The following NKX2-2 variants were observed in gnomAD, a reference collection of about 807,000 sequenced individuals.
NKX2-2 encodes NK2 homeobox 2.
NKX2-2 carries 8 observed loss-of-function variants against 24.6 expected under a neutral mutation model. The ratio of observed to expected loss-of-function variants is 0.32; its 90% CI spans 0.19 to 0.59. The LOEUF is 0.59. NKX2-2 is among the 20% of genes least tolerant of loss of function. NKX2-2 has a pLI of 0.86. For synonymous variants in NKX2-2, 217 were observed against 173.3 expected (o/e 1.25, Z -1.98); for missense variants, 381 against 373.9 (o/e 1.02, Z -0.16).
rs763629654 is a variant in NKX2-2, at chr20:21,512,096, C to G, written c.649G>C (p.Ala217Pro). ...GCTGCCAGGTCCTGGGCTTTGAGCG[C>G]GTGACATGGTTTGCCGTCCCTGACC... is the stretch of plus-strand genomic sequence containing the variant. ...VLVRDGKPCH[A>P]LKAQDLAAAT... is the part of the protein sequence containing the mutation. The change falls in exon 2 of 2, where the codon GCG (alanine) becomes CCG (proline). Residue 217 changes from alanine to proline, a missense_variant. Physicochemically the swap from Ala to Pro is conservative, Grantham distance 27 (BLOSUM62 -1). Around this residue, in one of 3 missense-constraint regions of NKX2-2, gnomAD observed 139 missense variants for 121.7 expected, o/e 1.14. Transcript: ENST00000377142. 1 of 1,613,844 alleles carries G rather than the reference C, an allele frequency of 6.2e-7. No individual in the cohort carries two copies. Among genetic ancestry groups the G allele is most frequent in the Middle Eastern group, 1.7e-4 (1 of 6,050 alleles).
rs1461173045 is a variant in NKX2-2 at position 21,511,517 on chromosome 20, C to T, written c.*406G>A. 1.2e-5 allele frequency: 2 copies of T among 165,846 alleles called. No individual in the cohort carries two copies. The highest frequency in any genetic ancestry group is 1.6e-4 in the East Asian group (1 of 6,158). The allele number at this position is 165,846 out of a possible 1,614,324, so 10.3% of individuals were successfully genotyped here. A position where few individuals can be genotyped will look rare whatever the true frequency, so the allele number is the denominator to read the frequency against. ...TGCTTTAGAAGACGGCTGACAATAT[C>T]GCTACTCACACAAACATATTTTACA... On this transcript the variant is annotated 3_prime_UTR_variant, in exon 2 of 2. Coordinates refer to ENST00000377142, the MANE Select transcript of NKX2-2 (RefSeq NM_002509.4).
the NKX2-2 span, among the ~76,000 whole-genome samples, chr20:21,522,342 G>C: frequency 2.0e-5 from 3 of 152,208 alleles, no homozygotes; most frequent in Non-Finnish European, 4.4e-5. Flanking sequence ...GGTGCCCCGA[G>C]ACCCCTCTCT....
At chr20:21,512,991 T>C (rs1366878455) in intron 1 of NKX2-2, among the ~76,000 whole-genome samples, 1 of 152,134 alleles carries the variant, frequency 6.6e-6, no homozygotes, top group East Asian at 1.9e-4. Flanking sequence ...GAGCTATTTA[T>C]ACCCGGGCCA....
At chr20:21,519,736 A>G in the NKX2-2 span, among the ~76,000 whole-genome samples, 1 of 152,218 alleles carries the variant, frequency 6.6e-6, no homozygotes, top group Non-Finnish European at 1.5e-5. Context: ...ATGAAAATCC[A>G]TCCCAGCTCC....
chr20:21,514,418 A>T (rs1448384762), upstream of NKX2-2, among the ~76,000 whole-genome samples: 3 of 146,868 alleles, frequency 2.0e-5, no homozygotes, highest in African/African-American at 5.0e-5. Flanking sequence ...TTTTAAACCC[A>T]GTATTTACAT....
In NKX2-2 at chr20:21,512,226, C is replaced by G. The variant is rs1980461935; in HGVS notation, c.519G>C (p.Lys173Asn). ...TGTAGCGGTGGTTCTGGAACCAGAT[C>G]TTGACCTGCGTGGGCGTGAGGCGGA... ...SLIRLTPTQV[K>N]IWFQNHRYKM... Residue 173 changes from lysine (K) to asparagine (N), a missense_variant, in exon 2 of 2, where the codon AAG becomes AAC. Transcript: ENST00000377142. 1 of 1,613,896 alleles carries G rather than the reference C, an allele frequency of 6.2e-7. No homozygotes were observed.
At chr20:21,521,783 G>A in the NKX2-2 span, among the ~76,000 whole-genome samples, 1 of 151,788 alleles carries the variant, frequency 6.6e-6, no homozygotes, top group Non-Finnish European at 1.5e-5. Context: ...TCGGGAGGGA[G>A]CTAGCCAGGC....
At chr20:21,521,679 G>A in the NKX2-2 span, among the ~76,000 whole-genome samples, 19,665 of 152,188 alleles carry the variant, frequency 0.13, 1,313 homozygotes, top group East Asian at 0.2. Context: ...TCCCTGCGAC[G>A]CACAGGGGGC....
In NKX2-2 at chr20:21,513,976, T is replaced by G; in HGVS notation, c.-307A>C. 1 of 201,466 alleles carries G rather than the reference T, an allele frequency of 5.0e-6. No homozygotes were observed. Among genetic ancestry groups the G allele is most frequent in the Admixed American group, 6.1e-5 (1 of 16,294 alleles). 12.5% of individuals were successfully genotyped at this position (201,466 alleles called of 1,614,324 possible). A position where few individuals can be genotyped will look rare whatever the true frequency, so the allele number is the denominator to read the frequency against. On this transcript the variant is annotated 5_prime_UTR_variant, in exon 1 of 2. Transcript: ENST00000377142. This position sits in a 1 kb window ranked among gnomAD's most constrained non-coding sequence, Gnocchi z 4.6. ...CGCCGCGGGCCCCGGCCTTAGTTTC[T>G]AACTCCAGGAGGGGTGCCAAGGCGG...
chr20:21,514,420 T>C (rs1037909383), upstream of NKX2-2, among the ~76,000 whole-genome samples: 82 of 148,486 alleles, frequency 5.5e-4, no homozygotes, highest in African/African-American at 1.9e-3. Flanking sequence ...TTAAACCCAG[T>C]ATTTACATAC....
Position 21,513,449 on chromosome 20 carries a change from G to C in NKX2-2, c.221C>G (p.Thr74Arg), listed in dbSNP as rs776662702. 1.2e-6 allele frequency: 2 copies of C among 1,600,316 alleles called. No individual in the cohort carries two copies. The highest frequency in any genetic ancestry group is 1.7e-6 in the Non-Finnish European group (2 of 1,173,586). The change falls in exon 1 of 2, where the codon ACG becomes AGG. Residue 74 changes from threonine to arginine, a missense_variant. By Grantham distance (71) the Thr-to-Arg change is moderately conservative. This residue lies in a region of NKX2-2 where 206 missense variants were observed against 173.1 expected (regional missense o/e 1.19). Coordinates refer to ENST00000377142, the MANE Select transcript of NKX2-2 (RefSeq NM_002509.4). The surrounding 1 kb of genome is among the most constrained non-coding windows in gnomAD (Gnocchi z 4.6). ...PFYDSSDNPY[T>R]RWLASTEGLQ... The stretch of plus-strand genomic sequence containing the variant: ...GCCCTCGGTGCTGGCCAGCCAGCGC[G>C]TGTACGGGTTGTCGCTGCTGTCGTA...
chr20:21,516,458 C>T (rs1257277561), upstream of NKX2-2, among the ~76,000 whole-genome samples: 1 of 151,306 alleles, frequency 6.6e-6, no homozygotes, highest in Non-Finnish European at 1.5e-5. Flanking sequence ...CGCCCTTTCA[C>T]GTGGGAGCTC....
the NKX2-2 span, among the ~76,000 whole-genome samples, chr20:21,520,080 C>T: frequency 2.6e-5 from 4 of 152,162 alleles, no homozygotes; most frequent in East Asian, 7.7e-4. Context: ...GTGGATGCCT[C>T]CCAGATGGAC....
In NKX2-2 at chr20:21,513,519, C is replaced by T. The variant is rs1426795346; in HGVS notation, c.151G>A (p.Gly51Ser). The change falls in exon 1 of 2, where the codon GGC becomes AGC. Residue 51 changes from glycine to serine, a missense_variant. Physicochemically the swap from Gly to Ser is moderately conservative, Grantham distance 56. Around this residue, in one of 3 missense-constraint regions of NKX2-2, gnomAD observed 206 missense variants for 173.1 expected, o/e 1.19. Coordinates refer to ENST00000377142, the MANE Select transcript of NKX2-2 (RefSeq NM_002509.4). This position sits in a 1 kb window ranked among gnomAD's most constrained non-coding sequence, Gnocchi z 4.6. ...PAKRAGPLGQ[G>S]ALDAVQSLPL... ...AGGCTCTGCACCGCGTCCAGGGCGC[C>T]CTGCCCCAGCGGCCCGGCCCTCTTG... is the stretch of plus-strand genomic sequence containing the variant. 1 of 1,612,854 alleles carries T rather than the reference C, an allele frequency of 6.2e-7. No homozygotes were observed. Among genetic ancestry groups the T allele is most frequent in the Non-Finnish European group, 8.5e-7 (1 of 1,179,528 alleles).
chr20:21,520,984 CG>C, the NKX2-2 span, among the ~76,000 whole-genome samples: 2 of 152,044 alleles, frequency 1.3e-5, no homozygotes, highest in Non-Finnish European at 2.9e-5. Flanking sequence ...GGAAAACAAG[CG>C]GCTCTCCTAA....
At chr20:21,520,466 C>G in the NKX2-2 span, among the ~76,000 whole-genome samples, 1 of 152,202 alleles carries the variant, frequency 6.6e-6, no homozygotes, top group African/African-American at 2.4e-5. Flanking sequence ...GCATAAGACC[C>G]TGCGGGCATA....
chr20:21,512,602 C>A, intron 1 of NKX2-2, 117 bp from the exon 2 acceptor site: 2 of 768,892 alleles, frequency 2.6e-6, no homozygotes, highest in Non-Finnish European at 4.1e-6. Flanking sequence ...CCTGGCAGCC[C>A]AGCCCCGCTG....
Position 21,513,510 on chromosome 20 carries a change from C to G in NKX2-2, c.160G>C (p.Asp54His). ...RAGPLGQGAL[D>H]AVQSLPLKNP... ...TTCAGGGGCAGGCTCTGCACCGCGT[C>G]CAGGGCGCCCTGCCCCAGCGGCCCG... is the stretch of plus-strand genomic sequence containing the variant. Residue 54 changes from aspartate (D) to histidine (H), a missense_variant, in exon 1 of 2, where the codon GAC becomes CAC. Coordinates refer to ENST00000377142, the MANE Select transcript of NKX2-2 (RefSeq NM_002509.4). This position sits in a 1 kb window ranked among gnomAD's most constrained non-coding sequence, Gnocchi z 4.6. 6.2e-7 allele frequency: 1 copy of G among 1,613,152 alleles called. No individual in the cohort carries two copies. The highest frequency in any genetic ancestry group is 8.5e-7 in the Non-Finnish European group (1 of 1,179,582).
At chr20:21,515,176 C>T (rs1419390168), upstream of NKX2-2, among the ~76,000 whole-genome samples, 1 of 151,972 alleles carries the variant, frequency 6.6e-6, no homozygotes, top group East Asian at 1.9e-4. Context: ...CTGCTCTTTC[C>T]TGCCCTCTAT....
Sources: gnomAD v4.1 joint callset for allele counts (sites outside exome capture counted in the v4.1 genomes callset) on GRCh38, gnomAD v4.1.1 for gene constraint, gnomAD v4.1.1 regional missense constraint, Gnocchi (gnomAD v3.1) non-coding constraint, MANE v1.5 for transcripts, NCBI Gene and HGNC (gene_info 2026-07-23, HGNC 2026-07-21) for gene names.